The following ST14 variants were observed in gnomAD, a reference collection of about 807,000 sequenced individuals.
ST14 encodes the protein ST14 transmembrane serine protease matriptase.
In ST14, 40 loss-of-function variants were observed where a neutral mutation model predicts 96.5. The ratio of observed to expected loss-of-function variants is 0.41; its 90% CI spans 0.32 to 0.54. The LOEUF (loss-of-function observed/expected upper bound fraction) is 0.54, where lower values mean the gene tolerates loss of function less well. Among genes scored for constraint, ST14 ranks in the 20% least tolerant of loss-of-function variants. The pLI is 0.17. For missense variants in ST14, 1,066 were observed against 1,188.9 expected (o/e 0.90, Z 1.52); for synonymous variants, 506 against 492.1 (o/e 1.03, Z -0.37).
Position 130,188,226 on chromosome 11 carries a change from T to A in ST14, c.194T>A (p.Leu65His), listed in dbSNP as rs761782119. Residue 65 changes from leucine (L) to histidine (H), a missense_variant, in exon 2 of 19, where the codon CTC (leucine) becomes CAC (histidine). Coordinates refer to ENST00000278742, the MANE Select transcript of ST14 (RefSeq NM_021978.4). This position sits in a 1 kb window ranked among gnomAD's most constrained non-coding sequence, Gnocchi z 5.4. ...GTGCTGGCAGCCGTGCTGATCGGCC[T>A]CCTCTTGGTCTTGCTGGGGATCGGC... ...WVVLAAVLIGLLLVLLGIGFL... is the reference protein window; with the variant it reads ...WVVLAAVLIGHLLVLLGIGFL... 4.3e-6 allele frequency: 7 copies of A among 1,614,116 alleles called. 1 individual carries two copies. The South Asian group carries it at 7.7e-5, about 18-fold the overall frequency.
intron 16 of ST14, among the ~76,000 whole-genome samples, chr11:130,207,071 G>A (rs56888715): frequency 0.035 from 5,337 of 152,236 alleles, 292 homozygotes; most frequent in African/African-American, 0.11. Flanking sequence ...CCGCATTGCT[G>A]TTTGAGTGCT....
chr11:130,199,144 G>T (rs1953402447), intron 15 of ST14, 75 bp downstream of exon 15: 1 of 1,480,550 alleles, frequency 6.8e-7, no homozygotes, highest in Non-Finnish European at 9.2e-7. Context: ...GCACCTGGAG[G>T]TGCAATCCCG....
rs1211642958 is a variant in ST14, at chr11:130,187,081, G to C, written c.82-1033G>C. Among the ~76,000 whole-genome samples the C allele has an allele frequency of 6.6e-6, 1 of 152,170 alleles. No individual in the cohort carries two copies. The highest frequency in any genetic ancestry group is 1.5e-5 in the Non-Finnish European group (1 of 68,034). On this transcript the variant is annotated intron_variant, in intron 1 of 18. Transcript: ENST00000278742. The surrounding 1 kb of genome is among the most constrained non-coding windows in gnomAD (Gnocchi z 4.5). ...GCTTAAATTTACACTGTCGAATTAC[G>C]AGATCACCACCAGAAGAATGACATC...
At chr11:130,208,140 G>T (rs368012529) in intron 16 of ST14, among the ~76,000 whole-genome samples, 3 of 152,168 alleles carry the variant, frequency 2.0e-5, no homozygotes, top group Admixed American at 2.0e-4. Flanking sequence ...GAAAGATCAG[G>T]TTCGTAAGAT....
rs189613597 is a variant in ST14 at position 130,171,268 on chromosome 11, C to T, written c.81+11208C>T. Among the ~76,000 whole-genome samples, 13 of 152,276 alleles carry T rather than the reference C, an allele frequency of 8.5e-5. No individual in the cohort carries two copies. The East Asian group carries it at 2.5e-3, about 29-fold the overall frequency. ...TCACCTTCCAAAGTTTCCTCCTGCC[C>T]TCTTTATCTATTATTCTATTTATTT... is the stretch of plus-strand genomic sequence containing the variant. On this transcript the variant is annotated intron_variant, in intron 1 of 18. Transcript: ENST00000278742.
At position 130,188,705 on chromosome 11, in the gene ST14, C is replaced by T. The variant is rs1016532448; in HGVS notation, c.369+48C>T. On this transcript the variant is annotated intron_variant, in intron 3 of 18. Coordinates refer to ENST00000278742, the MANE Select transcript of ST14 (RefSeq NM_021978.4). This position sits in a 1 kb window ranked among gnomAD's most constrained non-coding sequence, Gnocchi z 5.4. Reference sequence around the variant, plus strand: ...CCTGCTGGGCTGTGTGCGCTGGTGTCCCACCTGCTGGGCAGGAGGGACATG... The same window carrying T: ...CCTGCTGGGCTGTGTGCGCTGGTGTTCCACCTGCTGGGCAGGAGGGACATG... The T allele has an allele frequency of 1.9e-6, 3 of 1,613,642 alleles. No homozygotes were observed. The highest frequency in any genetic ancestry group is 2.5e-6 in the Non-Finnish European group (3 of 1,179,910).
rs1204018047 is a variant in ST14, at chr11:130,168,148, C to T, written c.81+8088C>T. 3.9e-5 allele frequency among the ~76,000 whole-genome samples: 6 copies of T among 152,244 alleles called. No homozygotes were observed. In the South Asian group the frequency reaches 6.2e-4, roughly 16 times the overall value. On this transcript the variant is annotated intron_variant, in intron 1 of 18. Coordinates refer to ENST00000278742, the MANE Select transcript of ST14 (RefSeq NM_021978.4). ...ATTCTTTCCATCTTCTTATTTTAAT[C>T]GTTTTATTGTTTGGGTGTGTTACTT...
In ST14 at chr11:130,210,024, G is replaced by C. The variant is rs150230720; in HGVS notation, c.*201G>C. 2,818 of 673,558 alleles carry C rather than the reference G, an allele frequency of 4.2e-3. 20 individuals carry two copies. The highest frequency in any genetic ancestry group is 6.1e-3 in the Admixed American group (211 of 34,458). 41.7% of individuals were successfully genotyped at this position (673,558 alleles called of 1,614,324 possible). On this transcript the variant is annotated 3_prime_UTR_variant, in exon 19 of 19. Coordinates refer to ENST00000278742, the MANE Select transcript of ST14 (RefSeq NM_021978.4). Reference sequence around the variant, plus strand: ...TCCAAAGTGGAGCTGGGAGGTAGAAGGGGAGGACACTGGTGGTTCTACTGA... The same window carrying C: ...TCCAAAGTGGAGCTGGGAGGTAGAACGGGAGGACACTGGTGGTTCTACTGA...
chr11:130,195,951 G>A (rs1953357734), intron 9 of ST14, among the ~76,000 whole-genome samples: 1 of 152,008 alleles, frequency 6.6e-6, no homozygotes, highest in African/African-American at 2.4e-5. Flanking sequence ...GAGGTCAGGA[G>A]TTTGAGACCA....
In ST14 at chr11:130,208,419, C is replaced by T. The variant is rs372683317; in HGVS notation, c.2004C>T (p.Asp668=). The change falls in exon 17 of 19, where the codon GAC becomes GAT. Residue 668 remains aspartate (D), a synonymous_variant. Coordinates refer to ENST00000278742, the MANE Select transcript of ST14 (RefSeq NM_021978.4). ...CGGCTCTCCCTACCAGGTACTCAGA[C>T]CCCACGCAGTGGACGGCCTTCCTGG... ...YIDDRGFRYS[D]PTQWTAFLGL... is the part of the protein sequence containing the mutation. The T allele has an allele frequency of 5.6e-6, 9 of 1,614,088 alleles. No homozygotes were observed. Among genetic ancestry groups the T allele is most frequent in the Middle Eastern group, 1.7e-4 (1 of 6,060 alleles).
At chr11:130,199,298 C>T (rs1046346747) in intron 15 of ST14, among the ~76,000 whole-genome samples, 1 of 152,220 alleles carries the variant, frequency 6.6e-6, no homozygotes, top group African/African-American at 2.4e-5. Flanking sequence ...AGCATCTCAG[C>T]GCCTCTGTAG....
At chr11:130,209,116 C>T (rs1953519305) in intron 17 of ST14, among the ~76,000 whole-genome samples, 1 of 152,170 alleles carries the variant, frequency 6.6e-6, no homozygotes, top group Non-Finnish European at 1.5e-5. Context: ...AGAAAACGAA[C>T]AGGACTTACA....
chr11:130,189,583 G>A (rs1167093716), intron 4 of ST14, 156 bp from the exon 5 acceptor site: 2 of 947,372 alleles, frequency 2.1e-6, no homozygotes, highest in Admixed American at 4.7e-5. Context: ...GCTTTGGGGT[G>A]GAAAGAGGGA....
chr11:130,180,450 C>A (rs550409887), intron 1 of ST14, among the ~76,000 whole-genome samples: 1 of 152,342 alleles, frequency 6.6e-6, no homozygotes, highest in South Asian at 2.1e-4. Context: ...TCTTGTGTGG[C>A]TTTGTGTGCA....
intron 1 of ST14, among the ~76,000 whole-genome samples, chr11:130,185,281 T>C (rs1362062987): frequency 6.6e-6 from 1 of 152,074 alleles, no homozygotes; most frequent in East Asian, 1.9e-4. Context: ...ATTGAAAGGT[T>C]AAAAATAATG....
In ST14 at chr11:130,188,126, T is replaced by C. The variant is rs781173525; in HGVS notation, c.94T>C (p.Leu32=). 3.7e-6 allele frequency: 6 copies of C among 1,614,116 alleles called. No homozygotes were observed. In the Admixed American group the frequency reaches 8.3e-5, roughly 22 times the overall value. The change falls in exon 2 of 19, where the codon TTG becomes CTG. Residue 32 remains leucine, a synonymous_variant. Coordinates refer to ENST00000278742, the MANE Select transcript of ST14 (RefSeq NM_021978.4). The surrounding 1 kb of genome is among the most constrained non-coding windows in gnomAD (Gnocchi z 5.4). The part of the protein sequence containing the change: ...YNSRHEKVNG[L]EEGVEFLPVN... ...TCTCTCCCTGCAGAAAGTGAATGGC[T>C]TGGAGGAAGGCGTGGAGTTCCTGCC...
chr11:130,172,898 C>G (rs1953105904), intron 1 of ST14, among the ~76,000 whole-genome samples: 1 of 152,158 alleles, frequency 6.6e-6, no homozygotes. Context: ...GTCAAGGGTG[C>G]TGTGTACGAG....
chr11:130,171,516 G>A (rs992729281), intron 1 of ST14, among the ~76,000 whole-genome samples: 4 of 152,156 alleles, frequency 2.6e-5, no homozygotes, highest in Non-Finnish European at 5.9e-5. Flanking sequence ...AAGTGGGCTC[G>A]CTGGATCTGC....
rs150137736 is a variant in ST14, at chr11:130,190,029, G to A, written c.599-84G>A. On this transcript the variant is annotated intron_variant, in intron 5 of 18. Coordinates refer to ENST00000278742, the MANE Select transcript of ST14 (RefSeq NM_021978.4). ...AGAGAGAAGACTACGTGCTGGCCGG[G>A]CACCTCCCTTTAGATAATAAGGAAG... The A allele has an allele frequency of 6.9e-4, 1,104 of 1,611,200 alleles. 9 individuals carry two copies. Among genetic ancestry groups the A allele is most frequent in the Middle Eastern group, 4.3e-3 (26 of 6,056 alleles).
Sources: gnomAD v4.1 joint callset for allele counts (sites outside exome capture counted in the v4.1 genomes callset) on GRCh38, gnomAD v4.1.1 for gene constraint, Gnocchi (gnomAD v3.1) non-coding constraint, MANE v1.5 for transcripts, NCBI Gene and HGNC (gene_info 2026-07-23, HGNC 2026-07-21) for gene names.